The following RPP30 variants were observed in gnomAD, a reference collection of about 807,000 sequenced individuals.
RPP30 encodes ribonuclease P protein subunit p30.
RPP30 carries 36 observed loss-of-function variants against 38.6 expected under a neutral mutation model. The ratio of observed to expected loss-of-function variants is 0.93; its 90% CI spans 0.71 to 1.23. The LOEUF (loss-of-function observed/expected upper bound fraction) is 1.23. Among genes scored for constraint, RPP30 ranks in the 50% most tolerant of loss-of-function variants. RPP30 has a pLI of 0.00. For missense variants in RPP30, 321 were observed against 321.7 expected, an observed-to-expected ratio of 1.00 and a Z score of 0.02; for synonymous variants, 126 against 112.7, an observed-to-expected ratio of 1.12 and a Z score of -0.75.
At chr10:90,884,958 C>A (rs1390416952) in intron 5 of RPP30, among the ~76,000 whole-genome samples, 1 of 152,162 alleles carries the variant, frequency 6.6e-6, no homozygotes, top group Non-Finnish European at 1.5e-5. Context: ...CACTATAAAT[C>A]AAATAATGGC....
downstream of RPP30, chr10:90,903,307 T>C: frequency 6.8e-7 from 1 of 1,470,246 alleles, no homozygotes; most frequent in South Asian, 1.2e-5. Flanking sequence ...TTATCTATTT[T>C]AAGCTTAAAA....
rs1424062293 is a variant in RPP30 at position 90,874,936 on chromosome 10, T to C, written c.138+12T>C. On this transcript the variant is annotated intron_variant, in intron 2 of 10. Coordinates refer to ENST00000371703, the MANE Select transcript of RPP30 (RefSeq NM_006413.5). The stretch of plus-strand genomic sequence containing the variant: ...AGGAAAAGAAACAGGTAAAATAATA[T>C]TTCTAAAGTTAATAAGTTCATAAAT... The C allele has an allele frequency of 2.0e-6, 3 of 1,470,374 alleles. No individual in the cohort carries two copies. The highest frequency in any genetic ancestry group is 2.4e-5 in the South Asian group (2 of 83,482). 91.1% of individuals were successfully genotyped at this position (1,470,374 alleles called of 1,614,324 possible).
intron 5 of RPP30, among the ~76,000 whole-genome samples, chr10:90,883,289 CAA>C (rs35852982): frequency 1.5e-4 from 18 of 119,340 alleles, no homozygotes; most frequent in African/African-American, 3.0e-4. Context: ...AGTCTCTGGC[CAA>C]AAAAAAAAAA....
At chr10:90,887,133 A>G (rs571813737) in intron 6 of RPP30, among the ~76,000 whole-genome samples, 7 of 151,574 alleles carry the variant, frequency 4.6e-5, no homozygotes, top group African/African-American at 1.7e-4. Context: ...ACACCTGGCT[A>G]ATTTTTTTAT....
intron 6 of RPP30, among the ~76,000 whole-genome samples, chr10:90,888,104 A>G (rs1318325330): frequency 1.3e-5 from 2 of 152,236 alleles, no homozygotes; most frequent in African/African-American, 2.4e-5. Context: ...CTGCCAATAC[A>G]GTTTCTGTGG....
chr10:90,877,344 A>C (rs1294338941), intron 4 of RPP30, among the ~76,000 whole-genome samples: 1 of 152,036 alleles, frequency 6.6e-6, no homozygotes. Flanking sequence ...GAGTGATCCC[A>C]ATTAAAGATG....
downstream of RPP30, among the ~76,000 whole-genome samples, chr10:90,907,991 C>T (rs1847271510): frequency 6.6e-6 from 1 of 152,184 alleles, no homozygotes; most frequent in Non-Finnish European, 1.5e-5. Flanking sequence ...GCAATACAGC[C>T]TATTGCTCTT....
chr10:90,895,784 AT>A, intron 8 of RPP30, 95 bp from the exon 9 acceptor site: 1 of 898,370 alleles, frequency 1.1e-6, no homozygotes, highest in Non-Finnish European at 1.7e-6. Flanking sequence ...TAATTTTTTT[AT>A]TTTTGGATAC....
At chr10:90,902,540 A>G (rs1289198958), downstream of RPP30, among the ~76,000 whole-genome samples, 1 of 152,156 alleles carries the variant, frequency 6.6e-6, no homozygotes, top group African/African-American at 2.4e-5. Context: ...AGTTCTTTTT[A>G]ATGCAGTATC....
chr10:90,908,015 G>T (rs933942045), downstream of RPP30, among the ~76,000 whole-genome samples: 1 of 152,154 alleles, frequency 6.6e-6, no homozygotes, highest in African/African-American at 2.4e-5. Flanking sequence ...CTTCAAACTT[G>T]TACGACATGT....
chr10:90,903,529 C>T (rs1210756207), downstream of RPP30, among the ~76,000 whole-genome samples: 12 of 152,200 alleles, frequency 7.9e-5, no homozygotes. Flanking sequence ...CGTCCATTTA[C>T]TACACATTTG....
intron 10 of RPP30, among the ~76,000 whole-genome samples, chr10:90,897,244 A>G (rs1291402116): frequency 6.6e-6 from 1 of 152,238 alleles, no homozygotes; most frequent in Non-Finnish European, 1.5e-5. Flanking sequence ...GACTAGTTGT[A>G]GTGGTTAAGA....
At chr10:90,886,115 AAAGGCCATAGAACCCAAAAT>A (rs1846997165) in intron 6 of RPP30, among the ~76,000 whole-genome samples, 2 of 152,246 alleles carry the variant, frequency 1.3e-5, no homozygotes, top group Non-Finnish European at 2.9e-5. Flanking sequence ...GATGTTTTTA[AAAGGCCATAGAACCCAAAAT>A]TTATAAAGGA....
chr10:90,872,167 TC>T, intron 1 of RPP30, 99 bp downstream of exon 1: 1 of 1,009,958 alleles, frequency 9.9e-7, no homozygotes. Context: ...CGGTCAGGTC[TC>T]CCAGAGTCTC....
chr10:90,883,538 C>T (rs369634616), intron 5 of RPP30, among the ~76,000 whole-genome samples: 50 of 152,174 alleles, frequency 3.3e-4, no homozygotes, highest in African/African-American at 1.0e-3. Flanking sequence ...CAGTTTGGGG[C>T]ATTCTAAGGT....
At chr10:90,874,717 A>T in intron 1 of RPP30, 152 bp from the exon 2 acceptor site, 1 of 446,450 alleles carries the variant, frequency 2.2e-6, no homozygotes, top group Non-Finnish European at 4.1e-6. Flanking sequence ...TAGTGCATAG[A>T]CTTTAAATCA....
rs540716353 is a variant in RPP30, at chr10:90,889,379, G to A, written c.432+3478G>A. Among the ~76,000 whole-genome samples the A allele has an allele frequency of 3.6e-5, 5 of 139,954 alleles. No homozygotes were observed. The East Asian group carries it at 6.4e-4, about 18-fold the overall frequency. 91.8% of individuals were successfully genotyped at this position (139,954 alleles called of 152,430 possible). A position where few individuals can be genotyped will look rare whatever the true frequency, so the allele number is the denominator to read the frequency against. ...CGCTGGAGTGCAGTGGTGTGATCTC[G>A]GCTCACTGCAGCCTCCGCCTCCTCA... On this transcript the variant is annotated intron_variant, in intron 6 of 10. Coordinates refer to ENST00000371703, the MANE Select transcript of RPP30 (RefSeq NM_006413.5).
At chr10:90,906,269 G>A (rs1441035301), downstream of RPP30, among the ~76,000 whole-genome samples, 1 of 152,182 alleles carries the variant, frequency 6.6e-6, no homozygotes, top group Non-Finnish European at 1.5e-5. Flanking sequence ...ACAAAGGGGA[G>A]GAATGAGAAG....
intron 5 of RPP30, among the ~76,000 whole-genome samples, chr10:90,882,348 C>T (rs1846939952): frequency 6.6e-6 from 1 of 152,178 alleles, no homozygotes; most frequent in Non-Finnish European, 1.5e-5. Context: ...ATAAAAACTA[C>T]ATACACACAA....
Sources: allele counts gnomAD v4.1 joint callset (sites outside exome capture counted in the v4.1 genomes callset), GRCh38; gene constraint gnomAD v4.1.1; transcripts MANE v1.5; gene names NCBI Gene and HGNC (gene_info 2026-07-23, HGNC 2026-07-21).